Variants in MAN1A2 observed in about 807,000 individuals in gnomAD.
MAN1A2 encodes the protein mannosidase alpha class 1A member 2.
A neutral mutation model predicts 75.7 loss-of-function variants in MAN1A2; 26 were observed. That is an observed-to-expected ratio of 0.34 (90% CI 0.25 to 0.48). MAN1A2 has a LOEUF of 0.48. Among genes scored for constraint, MAN1A2 ranks in the 20% least tolerant of loss-of-function variants. The pLI, the probability that MAN1A2 is intolerant of heterozygous loss-of-function variation, is 0.99. For synonymous variants in MAN1A2, 247 were observed against 264.6 expected (o/e 0.93, Z 0.65); for missense variants, 562 against 775.5 (o/e 0.72, Z 3.27).
chr1:117,448,457 A>G (rs1649307842), intron 6 of MAN1A2, among the ~76,000 whole-genome samples: 1 of 152,236 alleles, frequency 6.6e-6, no homozygotes, highest in Non-Finnish European at 1.5e-5. Context: ...AAAGGACTTT[A>G]CATAGCTATT....
At chr1:117,422,762 G>GT (rs1047856428) in intron 5 of MAN1A2, among the ~76,000 whole-genome samples, 15 of 151,388 alleles carry the variant, frequency 9.9e-5, no homozygotes, top group African/African-American at 1.2e-4. Context: ...AAAAATTTTT[G>GT]TTTTTTTTGA....
rs12061184 is a variant in MAN1A2 at position 117,392,141 on chromosome 1, A to G, written c.303-10045A>G. Among the ~76,000 whole-genome samples, 267 of 152,082 alleles carry G rather than the reference A, an allele frequency of 1.8e-3. 1 individual carries two copies. The highest frequency in any genetic ancestry group is 6.1e-3 in the African/African-American group (253 of 41,508). On this transcript the variant is annotated intron_variant, in intron 1 of 12. Coordinates refer to ENST00000356554, the MANE Select transcript of MAN1A2 (RefSeq NM_006699.5). ...GCATTCTTTCCAAGATTTAAGTACA[A>G]TCATGCCATTTTCAAGTTGAAGTTC...
chr1:117,428,595 G>T (rs145760616), intron 5 of MAN1A2, among the ~76,000 whole-genome samples: 2 of 151,122 alleles, frequency 1.3e-5, no homozygotes, highest in South Asian at 4.2e-4. Context: ...TAGTTAAAAC[G>T]ACATAAAAGC....
rs558441534 is a variant in MAN1A2 at position 117,474,347 on chromosome 1, A to T, written c.1168+7920A>T. On this transcript the variant is annotated intron_variant, in intron 8 of 12. Coordinates refer to ENST00000356554, the MANE Select transcript of MAN1A2 (RefSeq NM_006699.5). ...TACAGATTAAAGTTACTATAAACGT[A>T]CAATTTCCAGTTTTATGTGGATCAC... 3.3e-5 allele frequency among the ~76,000 whole-genome samples: 5 copies of T among 151,666 alleles called. No individual in the cohort carries two copies. The East Asian group carries it at 9.7e-4, about 30-fold the overall frequency.
chr1:117,373,814 T>C (rs1450593443), intron 1 of MAN1A2, among the ~76,000 whole-genome samples: 5 of 152,134 alleles, frequency 3.3e-5, no homozygotes, highest in African/African-American at 9.7e-5. Flanking sequence ...TTTATCGATA[T>C]GGATACTTTC....
At chr1:117,434,341 T>G (rs1470260416) in intron 5 of MAN1A2, among the ~76,000 whole-genome samples, 1 of 152,220 alleles carries the variant, frequency 6.6e-6, no homozygotes, top group African/African-American at 2.4e-5. Flanking sequence ...ATGTATAATA[T>G]GTAATTAAAT....
intron 4 of MAN1A2, among the ~76,000 whole-genome samples, chr1:117,419,428 G>T (rs1648116077): frequency 6.6e-6 from 1 of 151,844 alleles, no homozygotes; most frequent in African/African-American, 2.4e-5. Flanking sequence ...TTAGATGTTG[G>T]GAATATATGA....
intron 1 of MAN1A2, among the ~76,000 whole-genome samples, chr1:117,381,581 A>G (rs1176159356): frequency 6.6e-6 from 1 of 152,030 alleles, no homozygotes; most frequent in Non-Finnish European, 1.5e-5. Flanking sequence ...AATCCAGTCT[A>G]TCGTTGTTGG....
intron 8 of MAN1A2, among the ~76,000 whole-genome samples, chr1:117,475,261 CA>C (rs2101852304): frequency 6.6e-6 from 1 of 152,104 alleles, no homozygotes; most frequent in South Asian, 2.1e-4. Context: ...TTCCAGAGTA[CA>C]TATACCATTT....
At chr1:117,440,500 G>A (rs1275284271) in intron 5 of MAN1A2, among the ~76,000 whole-genome samples, 1 of 152,004 alleles carries the variant, frequency 6.6e-6, no homozygotes, top group Non-Finnish European at 1.5e-5. Flanking sequence ...GGGAAGATAA[G>A]TCTAAAATAT....
rs550581332 is a variant in MAN1A2 at position 117,442,529 on chromosome 1, GTTAA to G, written c.950+207_950+210del. On this transcript the variant is annotated intron_variant, in intron 6 of 12. Coordinates refer to ENST00000356554, the MANE Select transcript of MAN1A2 (RefSeq NM_006699.5). ...TTTTAAAATAAGTCCTTTGAAACAG[GTTAA>G]TTGTCTTAACTTGATTGCAGTTTTT... Among the ~76,000 whole-genome samples the G allele has an allele frequency of 7.6e-3, 1,150 of 152,040 alleles. 7 individuals carry two copies. The highest frequency in any genetic ancestry group is 0.026 in the African/African-American group (1,092 of 41,476).
chr1:117,411,773 AAT>A (rs1344868461), intron 3 of MAN1A2, among the ~76,000 whole-genome samples: 6 of 151,806 alleles, frequency 4.0e-5, no homozygotes, highest in African/African-American at 1.2e-4. Flanking sequence ...ACCACAATGG[AAT>A]ATTTCTACAC....
intron 4 of MAN1A2, among the ~76,000 whole-genome samples, chr1:117,415,189 C>G (rs184260028): frequency 6.6e-6 from 1 of 152,000 alleles, no homozygotes; most frequent in African/African-American, 2.4e-5. Context: ...TCTTGGTGTG[C>G]GACTTGAGAA....
intron 6 of MAN1A2, among the ~76,000 whole-genome samples, chr1:117,453,326 T>G (rs1649481282): frequency 6.6e-6 from 1 of 152,204 alleles, no homozygotes; most frequent in Admixed American, 6.5e-5. Flanking sequence ...CTGACAGATC[T>G]CAGCAAAGTA....
intron 8 of MAN1A2, among the ~76,000 whole-genome samples, chr1:117,474,530 C>G (rs1451697850): frequency 6.6e-6 from 1 of 150,974 alleles, no homozygotes; most frequent in South Asian, 2.1e-4. Context: ...TTAGATATAT[C>G]TTTAGTAAAA....
intron 5 of MAN1A2, among the ~76,000 whole-genome samples, chr1:117,434,778 TG>T (rs1648797299): frequency 6.6e-6 from 1 of 151,468 alleles, no homozygotes; most frequent in Non-Finnish European, 1.5e-5. Context: ...TGTGTGTGTG[TG>T]TGTGTGTGTG....
chr1:117,523,191 G>T lies in MAN1A2; in HGVS notation c.*234G>T. The T allele has an allele frequency of 1.6e-6, 1 of 639,006 alleles. No homozygotes were observed. The highest frequency in any genetic ancestry group is 3.0e-6 in the Non-Finnish European group (1 of 335,448). 39.6% of individuals were successfully genotyped at this position (639,006 alleles called of 1,614,324 possible). A position where few individuals can be genotyped will look rare whatever the true frequency, so the allele number is the denominator to read the frequency against. ...TAGGACAGAGACCTGGATGTGCTTT[G>T]ATCGTTAATGAGGTGGTCACATGAG... On this transcript the variant is annotated 3_prime_UTR_variant, in exon 13 of 13. Coordinates refer to ENST00000356554, the MANE Select transcript of MAN1A2 (RefSeq NM_006699.5).
chr1:117,390,076 T>C (rs1052500932), intron 1 of MAN1A2, among the ~76,000 whole-genome samples: 4 of 152,200 alleles, frequency 2.6e-5, no homozygotes, highest in African/African-American at 9.7e-5. Context: ...TTTCTGTGTT[T>C]ATGAGGGATA....
In MAN1A2 at chr1:117,386,628, T is replaced by C. The variant is rs1205013961; in HGVS notation, c.303-15558T>C. ...TGAGGATTATTTCTCATTTCGTTGC[T>C]TTGCTGTTTTCTTTCCTTAGTTCAA... is the stretch of plus-strand genomic sequence containing the variant. On this transcript the variant is annotated intron_variant, in intron 1 of 12. Transcript: ENST00000356554. 2.9e-5 allele frequency among the ~76,000 whole-genome samples: 4 copies of C among 139,636 alleles called. No homozygotes were observed. The South Asian group carries it at 9.1e-4, about 32-fold the overall frequency. The allele number at this position is 139,636 out of a possible 152,430, so 91.6% of individuals were successfully genotyped here. A position where few individuals can be genotyped will look rare whatever the true frequency, so the allele number is the denominator to read the frequency against.
Sources: gnomAD v4.1 joint callset for allele counts (sites outside exome capture counted in the v4.1 genomes callset) on GRCh38, gnomAD v4.1.1 for gene constraint, MANE v1.5 for transcripts, NCBI Gene and HGNC (gene_info 2026-07-23, HGNC 2026-07-21) for gene names.